Variants in MACC1 observed in about 807,000 individuals in gnomAD.
MACC1 encodes MET transcriptional regulator MACC1.
MACC1 carries 79 observed loss-of-function variants against 70.7 expected under a neutral mutation model. That is an observed-to-expected ratio of 1.12 (90% CI 0.93 to 1.35). MACC1 has a LOEUF of 1.35. Among genes scored for constraint, MACC1 ranks in the 40% most tolerant of loss-of-function variants. The pLI is 0.00. For synonymous variants in MACC1, 361 were observed against 347.2 expected (o/e 1.04, Z -0.44); for missense variants, 1,106 against 978.1 (o/e 1.13, Z -1.74).
intron 1 of MACC1, among the ~76,000 whole-genome samples, chr7:20,195,712 CAG>C (rs1408192663): frequency 6.6e-6 from 1 of 152,142 alleles, no homozygotes; most frequent in Non-Finnish European, 1.5e-5. Context: ...GCTTGTGGAA[CAG>C]GGGATCAGTT....
At chr7:20,179,071 T>G (rs1468279507) in intron 1 of MACC1, among the ~76,000 whole-genome samples, 2 of 152,220 alleles carry the variant, frequency 1.3e-5, no homozygotes, top group African/African-American at 4.8e-5. Context: ...CTTCTTTTGC[T>G]TCGTGCTGTG....
intron 1 of MACC1, among the ~76,000 whole-genome samples, chr7:20,208,356 T>G (rs910804485): frequency 6.6e-6 from 1 of 152,196 alleles, no homozygotes. Context: ...TGGAACGTCT[T>G]AGAGACTTGC....
intron 1 of MACC1, among the ~76,000 whole-genome samples, chr7:20,206,283 G>A (rs1036906410): frequency 2.6e-5 from 4 of 151,904 alleles, no homozygotes; most frequent in African/African-American, 9.7e-5. Context: ...GTACAATCAT[G>A]ACATTCTAGT....
At chr7:20,142,890 C>A (rs1229640329) in intron 6 of MACC1, among the ~76,000 whole-genome samples, 1 of 152,186 alleles carries the variant, frequency 6.6e-6, no homozygotes, top group East Asian at 1.9e-4. Context: ...TAGCTAAAGG[C>A]TTCTAAGACT....
At chr7:20,147,140 G>A (rs1419181590) in intron 6 of MACC1, among the ~76,000 whole-genome samples, 2 of 152,006 alleles carry the variant, frequency 1.3e-5, no homozygotes, top group African/African-American at 4.8e-5. Context: ...GTAATAAGTG[G>A]GATGCCAAAA....
intron 1 of MACC1, among the ~76,000 whole-genome samples, chr7:20,205,171 T>C (rs796285226): frequency 2.6e-5 from 4 of 152,344 alleles, no homozygotes; most frequent in African/African-American, 9.6e-5. Context: ...AACAGATTAG[T>C]TTTTAGCAAT....
At chr7:20,145,252 T>C (rs2128100395) in intron 6 of MACC1, among the ~76,000 whole-genome samples, 1 of 152,260 alleles carries the variant, frequency 6.6e-6, no homozygotes, top group African/African-American at 2.4e-5. Flanking sequence ...TGTGGGAATA[T>C]AAAGAAAAAC....
chr7:20,146,087 G>A (rs1230753133), intron 6 of MACC1, among the ~76,000 whole-genome samples: 2 of 151,624 alleles, frequency 1.3e-5, no homozygotes, highest in South Asian at 4.2e-4. Context: ...CTTGAACCCA[G>A]GTGGCAGAGG....
At chr7:20,197,559 T>C (rs1782772245) in intron 1 of MACC1, among the ~76,000 whole-genome samples, 3 of 152,238 alleles carry the variant, frequency 2.0e-5, no homozygotes, top group African/African-American at 7.2e-5. Flanking sequence ...CCTGTCTATT[T>C]AGTAAAGCCT....
intron 1 of MACC1, among the ~76,000 whole-genome samples, chr7:20,195,052 G>C (rs555975240): frequency 6.6e-6 from 1 of 151,786 alleles, no homozygotes; most frequent in Admixed American, 6.6e-5. Flanking sequence ...TCAAAGTCTG[G>C]GGATAGGAAA....
rs1224304125 is a variant in MACC1, at chr7:20,186,906, T to C, written c.-217-16128A>G. On this transcript the variant is annotated intron_variant, in intron 1 of 6. Coordinates refer to ENST00000400331, the MANE Select transcript of MACC1 (RefSeq NM_182762.4). ...AGCATAACGTATGCTTAGGAGAGTA[T>C]AGTAAGAAGAAATAACTTAAGACAT... Among the ~76,000 whole-genome samples, 6 of 152,170 alleles carry C rather than the reference T, an allele frequency of 3.9e-5. No homozygotes were observed. The South Asian group carries it at 1.2e-3, about 32-fold the overall frequency.
chr7:20,152,429 G>T (rs777488582), intron 6 of MACC1, among the ~76,000 whole-genome samples: 6 of 152,094 alleles, frequency 3.9e-5, no homozygotes, highest in Non-Finnish European at 8.8e-5. Context: ...CTATTTTTTA[G>T]GAGGTTGGAA....
At chr7:20,208,192 G>T (rs1021787975) in intron 1 of MACC1, among the ~76,000 whole-genome samples, 25 of 152,188 alleles carry the variant, frequency 1.6e-4, no homozygotes, top group African/African-American at 4.1e-4. Context: ...CTTCATAGAA[G>T]CGTAAACATG....
chr7:20,143,962 C>T (rs1268066571), intron 6 of MACC1, among the ~76,000 whole-genome samples: 1 of 152,144 alleles, frequency 6.6e-6, no homozygotes, highest in Non-Finnish European at 1.5e-5. Flanking sequence ...TTACGATTTA[C>T]ACTAAAATAT....
At chr7:20,178,889 C>A (rs756557273) in intron 1 of MACC1, among the ~76,000 whole-genome samples, 1 of 152,178 alleles carries the variant, frequency 6.6e-6, no homozygotes, top group Non-Finnish European at 1.5e-5. Flanking sequence ...TGTGAGCCAT[C>A]ATGCCCAGCC....
intron 1 of MACC1, among the ~76,000 whole-genome samples, chr7:20,180,853 CAATAAT>C (rs1012956866): frequency 6.6e-6 from 1 of 151,384 alleles, no homozygotes; most frequent in Non-Finnish European, 1.5e-5. Flanking sequence ...TCTCAAATAA[CAATAAT>C]AATAATAATA....
intron 2 of MACC1, among the ~76,000 whole-genome samples, chr7:20,167,431 G>A (rs1047454901): frequency 5.9e-5 from 9 of 151,658 alleles, no homozygotes; most frequent in Non-Finnish European, 1.2e-4. Context: ...CCTGAGCTCA[G>A]GCAATCTGCC....
chr7:20,155,816 G>C (rs1782046923), intron 5 of MACC1, among the ~76,000 whole-genome samples: 1 of 152,172 alleles, frequency 6.6e-6, no homozygotes, highest in Admixed American at 6.5e-5. Context: ...GCGGGCCCCT[G>C]ATGGTGCTTT....
chr7:20,187,961 T>C (rs1782614484), intron 1 of MACC1, among the ~76,000 whole-genome samples: 3 of 152,146 alleles, frequency 2.0e-5, no homozygotes, highest in Admixed American at 2.0e-4. Flanking sequence ...TTTAATTGAC[T>C]CACAGTTCTG....
Sources: allele counts gnomAD v4.1 joint callset (sites outside exome capture counted in the v4.1 genomes callset), GRCh38; gene constraint gnomAD v4.1.1; transcripts MANE v1.5; gene names NCBI Gene and HGNC (gene_info 2026-07-23, HGNC 2026-07-21).